Variants in LHFPL2 observed in about 807,000 individuals in gnomAD.
The protein encoded by LHFPL2 is LHFPL tetraspan subfamily member 2, also known as LHFPL tetraspan subfamily member 2 protein.
LHFPL2 carries 7 observed loss-of-function variants against 17.5 expected under a neutral mutation model. That is an observed-to-expected ratio of 0.40 (90% CI 0.23 to 0.75). The LOEUF is 0.75. Ranked by LOEUF, LHFPL2 falls within the 30% of genes least tolerant of loss-of-function variation. The pLI, the probability that LHFPL2 is intolerant of heterozygous loss-of-function variation, is 0.37. For synonymous variants in LHFPL2, 134 were observed against 116.2 expected, an observed-to-expected ratio of 1.15 and a Z score of -0.99; for missense variants, 241 against 294.8, an observed-to-expected ratio of 0.82 and a Z score of 1.34.
chr5:78,607,045 A>G (rs1277697871), intron 2 of LHFPL2, among the ~76,000 whole-genome samples: 1 of 152,138 alleles, frequency 6.6e-6, no homozygotes, highest in African/African-American at 2.4e-5. Context: ...GTAACAAGAC[A>G]ACATCCCCAA....
rs1285652487 is a variant in LHFPL2 at position 78,606,221 on chromosome 5, C to T, written c.-245+26043G>A. On this transcript the variant is annotated intron_variant, in intron 2 of 4. Transcript: ENST00000380345. ...GTCCATGAAATCCAAAAGTCTAGGG[C>T]CTCTATATTTGAAATTTTGTATTGC... 1.3e-5 allele frequency among the ~76,000 whole-genome samples: 2 copies of T among 152,088 alleles called. 1 individual carries two copies. The highest frequency in any genetic ancestry group is 4.1e-4 in the South Asian group (2 of 4,828).
chr5:78,499,500 C>A (rs921630499), intron 4 of LHFPL2, among the ~76,000 whole-genome samples: 5 of 152,176 alleles, frequency 3.3e-5, no homozygotes, highest in African/African-American at 1.2e-4. Context: ...GAATCTGGCT[C>A]CAGAGTCCAC....
chr5:78,510,057 A>C lies in LHFPL2; in HGVS notation c.157T>G (p.Ser53Ala), dbSNP rs532610063. 2.2e-5 allele frequency: 35 copies of C among 1,609,136 alleles called. No homozygotes were observed. The African/African-American group carries it at 4.0e-4, about 18-fold the overall frequency. The stretch of plus-strand genomic sequence containing the variant: ...AGGGTGGGGTGGTAGGGCTCCGGGG[A>C]GCCCCCGCCCGGGCCCGCCGGCTCC... ...GVEPAGPGGGSPEPYHPTLGI... is the reference protein window; with the variant it reads ...GVEPAGPGGGAPEPYHPTLGI... The change falls in exon 4 of 5, where the codon TCC becomes GCC. Residue 53 changes from serine to alanine, a missense_variant. Physicochemically the swap from Ser to Ala is moderately conservative, Grantham distance 99. Transcript: ENST00000380345.
chr5:78,526,865 C>T (rs1327491564), intron 3 of LHFPL2, among the ~76,000 whole-genome samples: 3 of 152,174 alleles, frequency 2.0e-5, no homozygotes, highest in Non-Finnish European at 2.9e-5. Context: ...AAAGACATCA[C>T]CATGGCGTCG....
chr5:78,616,359 C>T (rs1326777952), intron 2 of LHFPL2, among the ~76,000 whole-genome samples: 1 of 152,146 alleles, frequency 6.6e-6, no homozygotes, highest in Non-Finnish European at 1.5e-5. Context: ...GATCTGCTGA[C>T]CTTGTGATCC....
chr5:78,570,646 ATACG>A, intron 2 of LHFPL2, among the ~76,000 whole-genome samples: 1 of 147,088 alleles, frequency 6.8e-6, no homozygotes, highest in African/African-American at 2.5e-5. Flanking sequence ...ATATATATAT[ATACG>A]TATATATATA....
At chr5:78,617,176 G>A (rs961472144) in intron 2 of LHFPL2, among the ~76,000 whole-genome samples, 3 of 152,046 alleles carry the variant, frequency 2.0e-5, no homozygotes, top group East Asian at 1.9e-4. Flanking sequence ...TTACAGGTGC[G>A]TGTCACCACG....
intron 1 of LHFPL2, among the ~76,000 whole-genome samples, chr5:78,640,064 G>A (rs1162980950): frequency 6.6e-6 from 1 of 152,140 alleles, no homozygotes; most frequent in Non-Finnish European, 1.5e-5. Flanking sequence ...AGAAAATGCT[G>A]AACAATAGAA....
chr5:78,494,972 A>C (rs1394292928), intron 4 of LHFPL2, among the ~76,000 whole-genome samples: 1 of 152,214 alleles, frequency 6.6e-6, no homozygotes, highest in Admixed American at 6.5e-5. Flanking sequence ...GTGTGATCAG[A>C]CCAGTCACAA....
chr5:78,488,632 A>AGAT lies in LHFPL2; in HGVS notation c.*262_*264dup. On this transcript the variant is annotated 3_prime_UTR_variant, in exon 5 of 5. Coordinates refer to ENST00000380345, the MANE Select transcript of LHFPL2 (RefSeq NM_005779.3). ...TATTATCCTTCATTGAACCTGGGGG[A>AGAT]GATGGAGTCTGACAGAACTTGGCAA... The AGAT allele has an allele frequency of 2.2e-6, 1 of 462,316 alleles. No individual in the cohort carries two copies. 28.6% of individuals were successfully genotyped at this position (462,316 alleles called of 1,614,324 possible).
In LHFPL2 at chr5:78,487,600, A is replaced by C. The variant is rs1554049117; in HGVS notation, c.*1297T>G. The C allele has an allele frequency of 6.6e-6, 1 of 152,208 alleles. No individual in the cohort carries two copies. Among genetic ancestry groups the C allele is most frequent in the Non-Finnish European group, 1.5e-5 (1 of 68,038 alleles). 9.4% of individuals were successfully genotyped at this position (152,208 alleles called of 1,614,324 possible). On this transcript the variant is annotated 3_prime_UTR_variant, in exon 5 of 5. Coordinates refer to ENST00000380345, the MANE Select transcript of LHFPL2 (RefSeq NM_005779.3). ...GCTGCTCTGGTCATTCTGAGATACT[A>C]TCTTCCTGAATCAGTGATATTGGTA... is the stretch of plus-strand genomic sequence containing the variant.
chr5:78,544,025 C>T (rs2112380632), intron 3 of LHFPL2, among the ~76,000 whole-genome samples: 1 of 152,314 alleles, frequency 6.6e-6, no homozygotes, highest in Non-Finnish European at 1.5e-5. Flanking sequence ...GCACTCTTCC[C>T]TGGCTCTAGT....
At position 78,539,806 on chromosome 5, in the gene LHFPL2, A is replaced by C. The variant is rs566287200; in HGVS notation, c.-186+25007T>G. Among the ~76,000 whole-genome samples the C allele has an allele frequency of 8.9e-4, 127 of 143,076 alleles. 1 individual carries two copies. The highest frequency in any genetic ancestry group is 4.6e-3 in the South Asian group (21 of 4,604). 93.9% of individuals were successfully genotyped at this position (143,076 alleles called of 152,430 possible). A position where few individuals can be genotyped will look rare whatever the true frequency, so the allele number is the denominator to read the frequency against. ...CTAACAACTTCTACATGAACCAGGC[A>C]AGACTTTTGCTTTTTTTTTTTTTTT... On this transcript the variant is annotated intron_variant, in intron 3 of 4. Coordinates refer to ENST00000380345, the MANE Select transcript of LHFPL2 (RefSeq NM_005779.3).
At chr5:78,503,525 C>T (rs547670769) in intron 4 of LHFPL2, among the ~76,000 whole-genome samples, 136 of 152,222 alleles carry the variant, frequency 8.9e-4, no homozygotes, top group African/African-American at 3.0e-3. Flanking sequence ...GGTGAAACCC[C>T]GTCTCTACTA....
In LHFPL2 at chr5:78,571,507, CCT is replaced by C. The variant is rs145747377; in HGVS notation, c.-244-6638_-244-6637del. Among the ~76,000 whole-genome samples, 10 of 152,232 alleles carry C rather than the reference CCT, an allele frequency of 6.6e-5. No homozygotes were observed. In the East Asian group the frequency reaches 1.9e-3, roughly 29 times the overall value. ...TAATAATTATTCGCTTGTCTAACTCCCTGTTTCAAGTCCATCCACTCATCTCA... is the reference window on the plus strand; with the variant it reads ...TAATAATTATTCGCTTGTCTAACTCCGTTTCAAGTCCATCCACTCATCTCA... On this transcript the variant is annotated intron_variant, in intron 2 of 4. Coordinates refer to ENST00000380345, the MANE Select transcript of LHFPL2 (RefSeq NM_005779.3).
At chr5:78,546,048 A>T (rs1756261014) in intron 3 of LHFPL2, among the ~76,000 whole-genome samples, 1 of 152,164 alleles carries the variant, frequency 6.6e-6, no homozygotes, top group Non-Finnish European at 1.5e-5. Context: ...TTACTTACTG[A>T]GTTCTAATTT....
chr5:78,510,533 G>A (rs1755084895), intron 3 of LHFPL2, 135 bp from the exon 4 acceptor site: 5 of 344,966 alleles, frequency 1.4e-5, no homozygotes, highest in Middle Eastern at 1.6e-3. Context: ...AGCATGCCAG[G>A]CGGTTGTTGC....
chr5:78,623,547 C>T (rs1174288935), intron 2 of LHFPL2, among the ~76,000 whole-genome samples: 3 of 152,206 alleles, frequency 2.0e-5, no homozygotes, highest in Admixed American at 2.0e-4. Context: ...GGTGTGCCTT[C>T]ATCCACAGGC....
At chr5:78,575,076 T>TG (rs2112431904) in intron 2 of LHFPL2, among the ~76,000 whole-genome samples, 1 of 152,286 alleles carries the variant, frequency 6.6e-6, no homozygotes, top group East Asian at 1.9e-4. Flanking sequence ...CCTGTGTTCT[T>TG]GCCAGTGGAT....
Sources: allele counts gnomAD v4.1 joint callset (sites outside exome capture counted in the v4.1 genomes callset), GRCh38; gene constraint gnomAD v4.1.1; transcripts MANE v1.5; gene names NCBI Gene and HGNC (gene_info 2026-07-23, HGNC 2026-07-21).